PRKN: variants seen among roughly 807,000 people sequenced by gnomAD.
The protein encoded by PRKN is parkin RBR E3 ubiquitin protein ligase, also known as E3 ubiquitin-protein ligase parkin.
Under a neutral mutation model 59.5 loss-of-function variants are expected in PRKN, and 56 were observed. The ratio of observed to expected loss-of-function variants is 0.94; its 90% CI spans 0.76 to 1.18. PRKN has a LOEUF of 1.18. Ranked by LOEUF, PRKN falls within the 50% of genes most tolerant of loss-of-function variation. The pLI, the probability that PRKN is intolerant of heterozygous loss-of-function variation, is 0.00. For missense variants in PRKN, 657 were observed against 596.4 expected (o/e 1.10, Z -1.06); for synonymous variants, 250 against 222.1 (o/e 1.13, Z -1.12).
At chr6:161,751,490 CT>C in intron 7 of PRKN, among the ~76,000 whole-genome samples, 1 of 152,328 alleles carries the variant, frequency 6.6e-6, no homozygotes, top group South Asian at 2.1e-4. Flanking sequence ...AAATTTCACA[CT>C]GATATTTAAG....
chr6:162,686,042 G>A (rs1779962992), intron 1 of PRKN, among the ~76,000 whole-genome samples: 1 of 152,082 alleles, frequency 6.6e-6, no homozygotes, highest in Non-Finnish European at 1.5e-5. Flanking sequence ...CTCCTTTCAA[G>A]CCTTTTAAGC....
At chr6:161,537,530 C>A (rs1779457356) in intron 9 of PRKN, among the ~76,000 whole-genome samples, 1 of 151,752 alleles carries the variant, frequency 6.6e-6, no homozygotes, top group East Asian at 1.9e-4. Context: ...CGGCTCACTG[C>A]AAGCTCTGCC....
intron 7 of PRKN, among the ~76,000 whole-genome samples, chr6:161,642,253 T>C (rs953568815): frequency 6.6e-6 from 1 of 152,208 alleles, no homozygotes; most frequent in African/African-American, 2.4e-5. Flanking sequence ...GTAATCAATA[T>C]GGAATATAAA....
intron 1 of PRKN, among the ~76,000 whole-genome samples, chr6:162,587,659 CTGA>C (rs1366642758): frequency 2.0e-5 from 3 of 152,016 alleles, no homozygotes; most frequent in African/African-American, 7.2e-5. Flanking sequence ...ATAGGTTAAT[CTGA>C]TGATTATACA....
rs183124064 is a variant in PRKN at position 161,400,011 on chromosome 6, G to A, written c.1084-13134C>T. Among the ~76,000 whole-genome samples, 19 of 152,054 alleles carry A rather than the reference G, an allele frequency of 1.2e-4. No individual in the cohort carries two copies. Among genetic ancestry groups the A allele is most frequent in the African/African-American group, 2.9e-4 (12 of 41,472 alleles). On this transcript the variant is annotated intron_variant, in intron 9 of 11. Transcript: ENST00000366898. The surrounding 1 kb of genome is among the most constrained non-coding windows in gnomAD (Gnocchi z 4.2). Reference sequence around the variant, plus strand: ...TCATTTTTACTAAGCTTTTGGAATCGGGTCTGCTTTTACTCTTTCAATGCA... The same window carrying A: ...TCATTTTTACTAAGCTTTTGGAATCAGGTCTGCTTTTACTCTTTCAATGCA...
chr6:161,424,718 G>A (rs1429076220), intron 9 of PRKN, among the ~76,000 whole-genome samples: 1 of 152,132 alleles, frequency 6.6e-6, no homozygotes, highest in Admixed American at 6.6e-5. Context: ...ACTAAAAGGA[G>A]GAGTGGAGAA....
chr6:161,573,612 C>T (rs1266783904), intron 7 of PRKN, among the ~76,000 whole-genome samples: 5 of 146,168 alleles, frequency 3.4e-5, no homozygotes, highest in African/African-American at 1.3e-4. Flanking sequence ...CCCAGCTACT[C>T]GGGAGGCTGA....
rs533665095 is a variant in PRKN at position 161,411,948 on chromosome 6, CCACT to C, written c.1084-25075_1084-25072del. ...ACTCACTCCTCCCTCACTCATTCCT[CCACT>C]CATTCATTCCTTCCTCACCCATTCC... is the stretch of plus-strand genomic sequence containing the variant. On this transcript the variant is annotated intron_variant, in intron 9 of 11. Transcript: ENST00000366898. Among the ~76,000 whole-genome samples the C allele has an allele frequency of 2.5e-3, 347 of 137,008 alleles. 1 individual carries two copies. Among genetic ancestry groups the C allele is most frequent in the African/African-American group, 8.8e-3 (320 of 36,530 alleles). The allele number at this position is 137,008 out of a possible 152,430, so 89.9% of individuals were successfully genotyped here.
chr6:161,669,117 A>G (rs1344033785), intron 7 of PRKN, among the ~76,000 whole-genome samples: 4 of 152,178 alleles, frequency 2.6e-5, no homozygotes, highest in Non-Finnish European at 5.9e-5. Flanking sequence ...CACTTTCACT[A>G]TGGGAAGTCA....
intron 6 of PRKN, among the ~76,000 whole-genome samples, chr6:161,944,071 T>TCAGCCTGAGGGAC (rs1327988790): frequency 7.7e-6 from 1 of 130,540 alleles, no homozygotes. Flanking sequence ...GCCTGAGGGA[T>TCAGCCTGAGGGAC]CAGCCTGAGG....
chr6:161,466,227 T>C lies in PRKN; in HGVS notation c.1084-79350A>G, dbSNP rs1445995195. Among the ~76,000 whole-genome samples the C allele has an allele frequency of 1.3e-5, 2 of 152,230 alleles. No homozygotes were observed. Among genetic ancestry groups the C allele is most frequent in the Non-Finnish European group, 2.9e-5 (2 of 68,038 alleles). On this transcript the variant is annotated intron_variant, in intron 9 of 11. Coordinates refer to ENST00000366898, the MANE Select transcript of PRKN (RefSeq NM_004562.3). The surrounding 1 kb of genome is among the most constrained non-coding windows in gnomAD (Gnocchi z 5.0). ...TTATATTGACCGCTCTTCAAGATCA[T>C]TGATACTTACCTCTTCTGCTCAGTC...
chr6:162,336,029 G>A (rs7757290), intron 2 of PRKN, among the ~76,000 whole-genome samples: 13,086 of 151,832 alleles, frequency 0.086, 1,079 homozygotes, highest in East Asian at 0.46. Flanking sequence ...TGGAATGCGT[G>A]ATGCTAAAGA....
rs552247200 is a variant in PRKN at position 162,164,050 on chromosome 6, T to G, written c.534+37081A>C. 4.6e-4 allele frequency among the ~76,000 whole-genome samples: 68 copies of G among 149,282 alleles called. 5 individuals carry two copies. The highest frequency in any genetic ancestry group is 1.9e-3 in the Admixed American group (29 of 15,002). On this transcript the variant is annotated intron_variant, in intron 4 of 11. Transcript: ENST00000366898. ...TAAAGATGAATAGGTTTTGTGAGGT[T>G]GAGGAAGCCTGCCCCTCTAGAGACA...
intron 4 of PRKN, among the ~76,000 whole-genome samples, chr6:162,190,923 C>T (rs1489666177): frequency 6.6e-6 from 1 of 152,154 alleles, no homozygotes; most frequent in Non-Finnish European, 1.5e-5. Context: ...TAAAGCTCCT[C>T]AGTGCTCAAA....
intron 7 of PRKN, among the ~76,000 whole-genome samples, chr6:161,753,281 C>A (rs980818229): frequency 1.3e-5 from 2 of 151,954 alleles, no homozygotes; most frequent in South Asian, 2.1e-4. Context: ...GAGCCACCAC[C>A]GAGGGAGAAG....
At chr6:162,448,572 C>G (rs1790432675) in intron 1 of PRKN, among the ~76,000 whole-genome samples, 1 of 152,076 alleles carries the variant, frequency 6.6e-6, no homozygotes, top group South Asian at 2.1e-4. Context: ...TTGGCACCCG[C>G]CAGAGAAACC....
chr6:161,732,326 A>G (rs1031644189), intron 7 of PRKN, among the ~76,000 whole-genome samples: 4 of 151,968 alleles, frequency 2.6e-5, no homozygotes, highest in African/African-American at 9.7e-5. Context: ...ACCTCAGGTG[A>G]TCCATCCACC....
chr6:161,689,710 GA>G (rs201424446), intron 7 of PRKN, among the ~76,000 whole-genome samples: 1 of 151,934 alleles, frequency 6.6e-6, no homozygotes, highest in Non-Finnish European at 1.5e-5. Context: ...ATTCTATAAA[GA>G]AAAATTTTTT....
Position 162,577,608 on chromosome 6 carries a change from TAAATAAAATA to T in PRKN, c.8-134145_8-134136del, listed in dbSNP as rs71004101. On this transcript the variant is annotated intron_variant, in intron 1 of 11. Transcript: ENST00000366898. ...GAGCAAGACTCTGTCTCAAAATAAA[TAAATAAAATA>T]AAATAAAATAAAATATAATTGGCAA... 1.2e-4 allele frequency among the ~76,000 whole-genome samples: 16 copies of T among 137,184 alleles called. No individual in the cohort carries two copies. In the East Asian group the frequency reaches 1.6e-3, roughly 13 times the overall value. The allele number at this position is 137,184 out of a possible 152,430, so 90.0% of individuals were successfully genotyped here. A position where few individuals can be genotyped will look rare whatever the true frequency, so the allele number is the denominator to read the frequency against.
Sources: allele counts gnomAD v4.1 joint callset (sites outside exome capture counted in the v4.1 genomes callset), GRCh38; gene constraint gnomAD v4.1.1; non-coding constraint Gnocchi (gnomAD v3.1); transcripts MANE v1.5; gene names NCBI Gene and HGNC (gene_info 2026-07-23, HGNC 2026-07-21).